Variants in N4BP2L2 observed in about 807,000 individuals in gnomAD.
N4BP2L2 encodes NEDD4 binding protein 2 like 2.
A neutral mutation model predicts 56.2 loss-of-function variants in N4BP2L2; 50 were observed. That is an observed-to-expected ratio of 0.89 (90% confidence interval 0.71 to 1.13). N4BP2L2 has a LOEUF of 1.13. Among genes scored for constraint, N4BP2L2 ranks in the 50% most tolerant of loss-of-function variants. N4BP2L2 has a pLI of 0.00. For synonymous variants in N4BP2L2, 203 were observed against 223.6 expected, an observed-to-expected ratio of 0.91 and a Z score of 0.82; for missense variants, 689 against 693.8, an observed-to-expected ratio of 0.99 and a Z score of 0.08.
intron 6 of N4BP2L2, among the ~76,000 whole-genome samples, chr13:32,493,069 C>A (rs779682442): frequency 5.9e-5 from 9 of 151,592 alleles, no homozygotes; most frequent in Admixed American, 3.9e-4. Flanking sequence ...ATTACAGGTG[C>A]CTGCCACCAC....
Position 32,527,531 on chromosome 13 carries a change from TTC to T in N4BP2L2, c.1260-1_1260del. On this transcript the variant is annotated splice_acceptor_variant and coding_sequence_variant, in exon 3 of 6. Transcript: ENST00000267068. LOFTEE classifies it high-confidence loss of function. ...CCATCACGATTCTGACCAAGCAGAA[TTC>T]TGTTAATAAAAGAAATCATAAAGGT... The T allele has an allele frequency of 6.2e-7, 1 of 1,610,994 alleles. No individual in the cohort carries two copies. The highest frequency in any genetic ancestry group is 2.2e-5 in the East Asian group (1 of 44,832).
At chr13:32,439,096 T>C (rs939294159) in intron 7 of N4BP2L2, among the ~76,000 whole-genome samples, 2 of 152,238 alleles carry the variant, frequency 1.3e-5, no homozygotes, top group African/African-American at 4.8e-5. Flanking sequence ...CTGCTTTTCT[T>C]TCAAGCTACA....
intron 6 of N4BP2L2, among the ~76,000 whole-genome samples, chr13:32,471,990 A>T (rs2082390835): frequency 6.6e-6 from 1 of 152,226 alleles, no homozygotes; most frequent in South Asian, 2.1e-4. Context: ...CCTGAATTTA[A>T]TCAAGCCTCT....
chr13:32,503,396 C>G (rs570624586), intron 6 of N4BP2L2, among the ~76,000 whole-genome samples: 20 of 152,066 alleles, frequency 1.3e-4, no homozygotes, highest in Non-Finnish European at 2.6e-4. Context: ...TATAAAAACA[C>G]AGTCCCTGCA....
intron 6 of N4BP2L2, among the ~76,000 whole-genome samples, chr13:32,474,179 T>C (rs2082818418): frequency 6.6e-6 from 1 of 152,172 alleles, no homozygotes; most frequent in Non-Finnish European, 1.5e-5. Flanking sequence ...ATGTGTAAAC[T>C]TATATAGATA....
intron 6 of N4BP2L2, among the ~76,000 whole-genome samples, chr13:32,462,743 T>G (rs1243586566): frequency 6.6e-6 from 1 of 151,386 alleles, no homozygotes; most frequent in African/African-American, 2.4e-5. Context: ...TGTACAAATA[T>G]TGGCCAGTGC....
intron 6 of N4BP2L2, chr13:32,477,206 G>A: frequency 4.5e-6 from 2 of 445,514 alleles, no homozygotes; most frequent in Middle Eastern, 6.8e-4. Flanking sequence ...AGGTGGAGGA[G>A]AGGATGCCCT....
intron 6 of N4BP2L2, among the ~76,000 whole-genome samples, chr13:32,503,675 C>A (rs1407564710): frequency 6.6e-6 from 1 of 152,214 alleles, no homozygotes; most frequent in Non-Finnish European, 1.5e-5. Flanking sequence ...TTAATTCACA[C>A]AATCAACTTT....
At chr13:32,483,989 A>C (rs2085318873) in intron 6 of N4BP2L2, among the ~76,000 whole-genome samples, 1 of 123,614 alleles carries the variant, frequency 8.1e-6, no homozygotes. Flanking sequence ...CATCTAAAAA[A>C]GAAAAAAAAA....
chr13:32,490,712 T>C (rs1394583351), intron 6 of N4BP2L2, among the ~76,000 whole-genome samples: 1 of 152,162 alleles, frequency 6.6e-6, no homozygotes, highest in African/African-American at 2.4e-5. Context: ...GATCAGGCAT[T>C]AGTTAGATTC....
chr13:32,459,747 T>C (rs754481954), intron 6 of N4BP2L2, among the ~76,000 whole-genome samples: 4 of 152,012 alleles, frequency 2.6e-5, no homozygotes, highest in Non-Finnish European at 4.4e-5. Context: ...CCCAAAGCAA[T>C]TCTCCTAAAA....
chr13:32,504,762 C>T (rs2090630456), intron 6 of N4BP2L2: 3 of 152,188 alleles, frequency 2.0e-5, no homozygotes, highest in Admixed American at 1.3e-4. Flanking sequence ...TACAGGCATA[C>T]TCAAGGTTTC....
chr13:32,530,005 C>G (rs1051394595), intron 2 of N4BP2L2, among the ~76,000 whole-genome samples: 2 of 152,090 alleles, frequency 1.3e-5, no homozygotes, highest in Non-Finnish European at 2.9e-5. Flanking sequence ...GGATTACAGG[C>G]GTGAGCCACC....
intron 3 of N4BP2L2, 135 bp from the exon 4 acceptor site, chr13:32,522,405 C>T: frequency 2.0e-6 from 1 of 489,270 alleles, no homozygotes; most frequent in South Asian, 4.6e-5. Context: ...CAGTCAGTAT[C>T]ATGAAAAAAA....
At chr13:32,498,774 AGGT>A (rs2089344660) in intron 6 of N4BP2L2, among the ~76,000 whole-genome samples, 1 of 150,888 alleles carries the variant, frequency 6.6e-6, no homozygotes, top group South Asian at 2.1e-4. Context: ...AGGCTAAGGC[AGGT>A]GGATCACTTG....
intron 6 of N4BP2L2, among the ~76,000 whole-genome samples, chr13:32,462,374 A>G (rs748586527): frequency 7.2e-5 from 11 of 152,176 alleles, no homozygotes; most frequent in Non-Finnish European, 1.3e-4. Context: ...TCATTCATAC[A>G]TGGAAACTAA....
chr13:32,433,075 GCA>G (rs1477896729), intron 9 of N4BP2L2: 1 of 152,094 alleles, frequency 6.6e-6, no homozygotes. Context: ...CACTCCCCTG[GCA>G]TCCAGGACTT....
At chr13:32,494,691 G>A (rs1418146192) in intron 6 of N4BP2L2, among the ~76,000 whole-genome samples, 2 of 152,094 alleles carry the variant, frequency 1.3e-5, no homozygotes, top group South Asian at 2.1e-4. Flanking sequence ...GCGTGAACCC[G>A]GGAGGCGGAG....
intron 6 of N4BP2L2, among the ~76,000 whole-genome samples, chr13:32,466,572 C>T (rs2081280001): frequency 6.6e-6 from 1 of 151,928 alleles, no homozygotes; most frequent in Non-Finnish European, 1.5e-5. Flanking sequence ...AACCTAGTAA[C>T]AGAATACCCA....
Sources: gnomAD v4.1 joint callset for allele counts (sites outside exome capture counted in the v4.1 genomes callset) on GRCh38, gnomAD v4.1.1 for gene constraint, MANE v1.5 for transcripts, NCBI Gene and HGNC (gene_info 2026-07-23, HGNC 2026-07-21) for gene names.